The following HTR4 variants were observed in gnomAD, a reference collection of about 807,000 sequenced individuals.
HTR4 encodes the protein 5-hydroxytryptamine receptor 4, also known as 5-hydroxytryptamine (serotonin) receptor 4, G protein-coupled.
Under a neutral mutation model 36.8 loss-of-function variants are expected in HTR4, and 16 were observed. The observed-to-expected ratio is 0.43, with a 90% CI of 0.29 to 0.66. HTR4 has a LOEUF of 0.66. Ranked by LOEUF, HTR4 falls within the 30% of genes least tolerant of loss-of-function variation. The pLI, the probability that HTR4 is intolerant of heterozygous loss-of-function variation, is 0.13. For synonymous variants in HTR4, 189 were observed against 185.1 expected (o/e 1.02, Z -0.17); for missense variants, 438 against 490.9 (o/e 0.89, Z 1.02).
chr5:148,598,126 T>A (rs185833159), intron 2 of HTR4, among the ~76,000 whole-genome samples: 2 of 151,734 alleles, frequency 1.3e-5, no homozygotes, highest in Admixed American at 1.3e-4. Context: ...GAGGAAAGAG[T>A]AGGACCATAA....
chr5:148,484,678 A>T (rs935379035), intron 6 of HTR4, among the ~76,000 whole-genome samples: 6 of 152,166 alleles, frequency 3.9e-5, no homozygotes, highest in Non-Finnish European at 5.9e-5. Context: ...TCTTCTTTCC[A>T]GTTGGAAGTC....
intron 2 of HTR4, among the ~76,000 whole-genome samples, chr5:148,561,818 C>A (rs1760226267): frequency 6.6e-6 from 1 of 152,134 alleles, no homozygotes; most frequent in African/African-American, 2.4e-5. Context: ...TTTGGTAAAT[C>A]ATTTACCCTA....
chr5:148,609,725 C>G (rs1333016488), intron 2 of HTR4, among the ~76,000 whole-genome samples: 2 of 151,994 alleles, frequency 1.3e-5, no homozygotes, highest in Non-Finnish European at 2.9e-5. Context: ...ACCACCATGC[C>G]CGGCTAATTT....
intron 2 of HTR4, among the ~76,000 whole-genome samples, chr5:148,554,651 C>A (rs1581469848): frequency 6.6e-6 from 1 of 152,172 alleles, no homozygotes; most frequent in Admixed American, 6.5e-5. Context: ...TTGCACACCA[C>A]TGTGAATGTT....
chr5:148,637,222 C>A (rs10060144), intron 1 of HTR4, among the ~76,000 whole-genome samples, 161 bp from the exon 2 acceptor site: 2 of 152,126 alleles, frequency 1.3e-5, no homozygotes, highest in Non-Finnish European at 2.9e-5. Context: ...GGCATATTGA[C>A]GTATGGTACA....
chr5:148,636,558 A>T (rs1244199463), intron 2 of HTR4, among the ~76,000 whole-genome samples: 2 of 152,206 alleles, frequency 1.3e-5, no homozygotes, highest in East Asian at 3.8e-4. Flanking sequence ...ATACCATGCA[A>T]CCATTATGTC....
chr5:148,503,942 A>G (rs1318756683), intron 6 of HTR4, among the ~76,000 whole-genome samples: 2 of 152,262 alleles, frequency 1.3e-5, no homozygotes, highest in African/African-American at 4.8e-5. Flanking sequence ...AAGGAGAGCT[A>G]ACTATCCTAA....
chr5:148,621,962 C>A (rs1220999323), intron 2 of HTR4, among the ~76,000 whole-genome samples: 1 of 152,140 alleles, frequency 6.6e-6, no homozygotes, highest in Non-Finnish European at 1.5e-5. Flanking sequence ...ATTTGGATCC[C>A]AGCTCTGGGC....
chr5:148,486,280 A>T (rs1479341787), intron 6 of HTR4, among the ~76,000 whole-genome samples: 1 of 151,872 alleles, frequency 6.6e-6, no homozygotes, highest in Non-Finnish European at 1.5e-5. Context: ...ATGCATGATA[A>T]AAAAAAATGT....
At chr5:148,524,375 T>C (rs767446781) in intron 4 of HTR4, among the ~76,000 whole-genome samples, 52 of 152,332 alleles carry the variant, frequency 3.4e-4, no homozygotes, top group Admixed American at 2.0e-4. Context: ...TGCTCCATCA[T>C]TTCCTGTCTA....
chr5:148,598,134 T>C (rs377270376), intron 2 of HTR4, among the ~76,000 whole-genome samples: 2 of 151,828 alleles, frequency 1.3e-5, no homozygotes, highest in African/African-American at 4.8e-5. Flanking sequence ...AGTAGGACCA[T>C]AAAAAGGGTA....
chr5:148,525,393 A>G (rs758768468), intron 4 of HTR4, among the ~76,000 whole-genome samples: 1 of 151,794 alleles, frequency 6.6e-6, no homozygotes, highest in Non-Finnish European at 1.5e-5. Context: ...TCCATTTAGC[A>G]TCCTTCTTCC....
intron 5 of HTR4, among the ~76,000 whole-genome samples, chr5:148,462,139 A>G (rs1459598477): frequency 6.6e-6 from 1 of 152,036 alleles, no homozygotes; most frequent in South Asian, 2.1e-4. Flanking sequence ...CTAAATTCAA[A>G]GTAAGTAGAA....
At chr5:148,604,525 T>C (rs1052847265) in intron 2 of HTR4, among the ~76,000 whole-genome samples, 5 of 152,132 alleles carry the variant, frequency 3.3e-5, no homozygotes, top group Non-Finnish European at 7.4e-5. Flanking sequence ...TAGAAATGGG[T>C]ACACATATGC....
At chr5:148,642,960 C>T (rs572558944) in intron 1 of HTR4, among the ~76,000 whole-genome samples, 10 of 151,410 alleles carry the variant, frequency 6.6e-5, no homozygotes, top group Middle Eastern at 3.4e-3. Flanking sequence ...TGTGTACAAA[C>T]GATTTAAAAA....
chr5:148,570,120 C>G (rs1174273345), intron 2 of HTR4, among the ~76,000 whole-genome samples: 1 of 151,992 alleles, frequency 6.6e-6, no homozygotes, highest in Non-Finnish European at 1.5e-5. Context: ...GAGCCCAGCT[C>G]CAAGCAGAAA....
At chr5:148,476,686 G>C (rs975738117), downstream of HTR4, 12 of 1,586,864 alleles carry the variant, frequency 7.6e-6, no homozygotes, top group Non-Finnish European at 1.0e-5. Flanking sequence ...ACCTGTGTTG[G>C]GCACTAAGAA....
chr5:148,516,981 G>C (rs1177782468), intron 5 of HTR4, among the ~76,000 whole-genome samples: 2 of 152,166 alleles, frequency 1.3e-5, no homozygotes, highest in Non-Finnish European at 2.9e-5. Flanking sequence ...GGAAATAGTA[G>C]AGGTCTTCTT....
At chr5:148,516,473 C>A (rs1757761478) in intron 5 of HTR4, among the ~76,000 whole-genome samples, 1 of 151,890 alleles carries the variant, frequency 6.6e-6, no homozygotes, top group Non-Finnish European at 1.5e-5. Context: ...GCACATTCCA[C>A]CATGCCTGGC....
Sources: allele counts gnomAD v4.1 joint callset (sites outside exome capture counted in the v4.1 genomes callset), GRCh38; gene constraint gnomAD v4.1.1; transcripts MANE v1.5; gene names NCBI Gene and HGNC (gene_info 2026-07-23, HGNC 2026-07-21).